Variants in SNTB1 observed in about 807,000 individuals in gnomAD.
SNTB1 encodes beta-1-syntrophin.
In SNTB1, 36 loss-of-function variants were observed where a neutral mutation model predicts 48.9. The ratio of observed to expected loss-of-function variants is 0.74; its 90% CI spans 0.56 to 0.97. The LOEUF is 0.97. Ranked by LOEUF, SNTB1 falls within the 50% of genes least tolerant of loss-of-function variation. The pLI is 0.00. For synonymous variants in SNTB1, 299 were observed against 294.6 expected, an observed-to-expected ratio of 1.01 and a Z score of -0.15; for missense variants, 786 against 703.4, an observed-to-expected ratio of 1.12 and a Z score of -1.33.
At chr8:120,700,738 A>T (rs1818296869) in intron 1 of SNTB1, among the ~76,000 whole-genome samples, 1 of 152,246 alleles carries the variant, frequency 6.6e-6, no homozygotes, top group Non-Finnish European at 1.5e-5. Flanking sequence ...TGCCACAACT[A>T]AATCTTTGTT....
intron 1 of SNTB1, among the ~76,000 whole-genome samples, chr8:120,719,166 G>T (rs1309639244): frequency 6.6e-6 from 1 of 152,164 alleles, no homozygotes; most frequent in East Asian, 1.9e-4. Flanking sequence ...GCCAAAGAAG[G>T]TTAACATTTG....
At chr8:120,584,815 T>C (rs1339722733) in intron 3 of SNTB1, among the ~76,000 whole-genome samples, 1 of 152,036 alleles carries the variant, frequency 6.6e-6, no homozygotes, top group Non-Finnish European at 1.5e-5. Context: ...GGTGTGCTAA[T>C]AAAAGGGGAA....
At chr8:120,727,530 G>A (rs920844104) in intron 1 of SNTB1, among the ~76,000 whole-genome samples, 1 of 152,128 alleles carries the variant, frequency 6.6e-6, no homozygotes. Context: ...GCAGTGCTTC[G>A]TACAGTGCCT....
chr8:120,610,248 T>C (rs968184647), intron 3 of SNTB1, among the ~76,000 whole-genome samples: 6 of 152,226 alleles, frequency 3.9e-5, no homozygotes, highest in Admixed American at 3.3e-4. Flanking sequence ...GCGATTCTCT[T>C]GCCTCAGCCT....
intron 5 of SNTB1, among the ~76,000 whole-genome samples, chr8:120,544,721 T>C (rs1772928645): frequency 6.6e-6 from 1 of 152,098 alleles, no homozygotes; most frequent in South Asian, 2.1e-4. Flanking sequence ...TTCTCTGTTA[T>C]TACACATGTA....
chr8:120,607,187 G>T (rs1816537130), intron 3 of SNTB1, among the ~76,000 whole-genome samples: 2 of 152,082 alleles, frequency 1.3e-5, no homozygotes, highest in South Asian at 2.1e-4. Context: ...TAATAAAAGT[G>T]AATAGAAAAT....
Position 120,537,192 on chromosome 8 carries a change from T to C in SNTB1, c.*1685A>G, listed in dbSNP as rs1286668966. ...AAAAAAACCCACTAGCTTCACAAGA[T>C]GCTCCATTAGAAAAGAGTCCTGTAG... is the stretch of plus-strand genomic sequence containing the variant. On this transcript the variant is annotated 3_prime_UTR_variant, in exon 7 of 7. Coordinates refer to ENST00000517992, the MANE Select transcript of SNTB1 (RefSeq NM_021021.4). 6.6e-6 allele frequency: 1 copy of C among 150,450 alleles called. No homozygotes were observed. The highest frequency in any genetic ancestry group is 1.9e-4 in the East Asian group (1 of 5,148). 9.3% of individuals were successfully genotyped at this position (150,450 alleles called of 1,614,324 possible). A position where few individuals can be genotyped will look rare whatever the true frequency, so the allele number is the denominator to read the frequency against.
At chr8:120,774,819 A>C (rs1353378495) in intron 1 of SNTB1, among the ~76,000 whole-genome samples, 2 of 151,898 alleles carry the variant, frequency 1.3e-5, no homozygotes, top group African/African-American at 4.8e-5. Flanking sequence ...ACGCCCTGCT[A>C]ATTTTTGTAT....
At chr8:120,566,548 A>T (rs973233191) in intron 4 of SNTB1, among the ~76,000 whole-genome samples, 1 of 152,116 alleles carries the variant, frequency 6.6e-6, no homozygotes, top group Admixed American at 6.6e-5. Flanking sequence ...ACCCAGGCTA[A>T]GGTATTTTGT....
rs182794186 is a variant in SNTB1 at position 120,811,927 on chromosome 8, G to T, written c.-84C>A. On this transcript the variant is annotated 5_prime_UTR_variant, in exon 1 of 7. Transcript: ENST00000517992. ...TGGCCGGGGGGAGGACGCGGGGCCCGGGGGAGCGAGGAGAGTGCGTCCCGC... is the reference window on the plus strand; with the variant it reads ...TGGCCGGGGGGAGGACGCGGGGCCCTGGGGAGCGAGGAGAGTGCGTCCCGC... 3.1e-6 allele frequency: 4 copies of T among 1,282,936 alleles called. No homozygotes were observed. Among genetic ancestry groups the T allele is most frequent in the Non-Finnish European group, 2.0e-6 (2 of 1,019,388 alleles). 79.5% of individuals were successfully genotyped at this position (1,282,936 alleles called of 1,614,324 possible).
intron 3 of SNTB1, among the ~76,000 whole-genome samples, chr8:120,580,481 A>G (rs931849811): frequency 2.6e-5 from 4 of 152,216 alleles, no homozygotes; most frequent in Non-Finnish European, 5.9e-5. Flanking sequence ...TCAAAATGGT[A>G]AACTGCCCCA....
intron 3 of SNTB1, among the ~76,000 whole-genome samples, chr8:120,610,711 C>T (rs924733990): frequency 2.6e-5 from 4 of 152,280 alleles, no homozygotes; most frequent in East Asian, 1.9e-4. Context: ...GGCCTACTTC[C>T]GGGATCTCGC....
chr8:120,688,190 C>T (rs553230168), intron 2 of SNTB1, among the ~76,000 whole-genome samples: 9 of 152,286 alleles, frequency 5.9e-5, no homozygotes, highest in African/African-American at 2.2e-4. Flanking sequence ...GACTCTGTTA[C>T]GTAGCAGTAC....
chr8:120,606,800 A>G (rs1816528588), intron 3 of SNTB1, among the ~76,000 whole-genome samples: 2 of 152,194 alleles, frequency 1.3e-5, no homozygotes, highest in African/African-American at 2.4e-5. Flanking sequence ...AAGGTAGCCA[A>G]TGTGAAGCTT....
intron 2 of SNTB1, among the ~76,000 whole-genome samples, chr8:120,690,442 G>T (rs555669155): frequency 6.6e-6 from 1 of 152,084 alleles, no homozygotes; most frequent in East Asian, 1.9e-4. Context: ...TGCAGTTTCC[G>T]CTATAAAAGT....
At chr8:120,688,425 T>C (rs1307370482) in intron 2 of SNTB1, among the ~76,000 whole-genome samples, 1 of 152,220 alleles carries the variant, frequency 6.6e-6, no homozygotes, top group East Asian at 1.9e-4. Flanking sequence ...ATAAATATAC[T>C]ATTTATCATT....
Position 120,639,667 on chromosome 8 carries a change from T to C in SNTB1, c.789-7016A>G, listed in dbSNP as rs534616577. ...TCCCCATTTCTTGTTTTTGTCAGGT[T>C]TGTCAAAGATCAGATGGTTGTAGAT... On this transcript the variant is annotated intron_variant, in intron 2 of 6. Coordinates refer to ENST00000517992, the MANE Select transcript of SNTB1 (RefSeq NM_021021.4). Among the ~76,000 whole-genome samples, 8 of 152,332 alleles carry C rather than the reference T, an allele frequency of 5.3e-5. No homozygotes were observed. The East Asian group carries it at 1.5e-3, about 29-fold the overall frequency.
At chr8:120,695,150 G>A (rs1384554250) in intron 1 of SNTB1, among the ~76,000 whole-genome samples, 1 of 152,074 alleles carries the variant, frequency 6.6e-6, no homozygotes, top group East Asian at 1.9e-4. Flanking sequence ...TCAGGAGATT[G>A]GGCTAAGTCC....
chr8:120,554,705 C>G (rs1429264952), intron 4 of SNTB1, among the ~76,000 whole-genome samples: 2 of 152,130 alleles, frequency 1.3e-5, no homozygotes, highest in Admixed American at 6.5e-5. Context: ...ACCTAATGCC[C>G]GCAGGCTATA....
Sources: allele counts gnomAD v4.1 joint callset (sites outside exome capture counted in the v4.1 genomes callset), GRCh38; gene constraint gnomAD v4.1.1; transcripts MANE v1.5; gene names NCBI Gene and HGNC (gene_info 2026-07-23, HGNC 2026-07-21).